Variants in SF3B6 observed in about 807,000 individuals in gnomAD.
SF3B6 encodes SF3b 14 kDa subunit.
In SF3B6, 3 loss-of-function variants were observed where a neutral mutation model predicts 15.9. The ratio of observed to expected loss-of-function variants is 0.19; its 90% CI spans 0.09 to 0.49. The LOEUF is 0.49. SF3B6 is among the 20% of genes least tolerant of loss of function. The pLI, the probability that SF3B6 is intolerant of heterozygous loss-of-function variation, is 0.97. For missense variants in SF3B6, 71 were observed against 154.3 expected, an observed-to-expected ratio of 0.46 and a Z score of 2.86; for synonymous variants, 49 against 51.1, an observed-to-expected ratio of 0.96 and a Z score of 0.18.
rs191162764 is a variant in SF3B6, at chr2:24,071,536, C to T, written c.149+2540G>A. Among the ~76,000 whole-genome samples the T allele has an allele frequency of 7.3e-3, 1,112 of 152,142 alleles. 9 individuals carry two copies. Among genetic ancestry groups the T allele is most frequent in the African/African-American group, 0.026 (1,069 of 41,500 alleles). On this transcript the variant is annotated intron_variant, in intron 2 of 3. Transcript: ENST00000233468. ...TGGAGAACCACTTGAACCTGGGAGG[C>T]GGAGTTTGCAGTGAGCCGAGATCGT...
chr2:24,068,023 C>T (rs961761936), intron 3 of SF3B6, among the ~76,000 whole-genome samples, 172 bp from the exon 4 acceptor site: 15 of 152,134 alleles, frequency 9.9e-5, no homozygotes, highest in South Asian at 2.1e-4. Flanking sequence ...AGTGCAGTGG[C>T]GTGATCTTGG....
At chr2:24,068,595 G>C in intron 2 of SF3B6, 136 bp from the exon 3 acceptor site, 1 of 773,680 alleles carries the variant, frequency 1.3e-6, no homozygotes. Flanking sequence ...TAAGTATTTT[G>C]AAATCAACCT....
At chr2:24,076,074 G>T in intron 1 of SF3B6, 126 bp downstream of exon 1, 1 of 1,238,620 alleles carries the variant, frequency 8.1e-7, no homozygotes, top group Non-Finnish European at 1.2e-6. Context: ...TGTCTTCGCT[G>T]ACAGGATAGG....
At chr2:24,074,863 T>G (rs1256320071) in intron 1 of SF3B6, among the ~76,000 whole-genome samples, 1 of 152,122 alleles carries the variant, frequency 6.6e-6, no homozygotes, top group Non-Finnish European at 1.5e-5. Flanking sequence ...GTGCGGTGGC[T>G]CATGCCTGTA....
Position 24,076,097 on chromosome 2 carries a change from C to T in SF3B6, c.30+103G>A, listed in dbSNP as rs1664741176. 4.1e-6 allele frequency: 6 copies of T among 1,451,220 alleles called. No homozygotes were observed. The East Asian group carries it at 1.4e-4, about 33-fold the overall frequency. The allele number at this position is 1,451,220 out of a possible 1,614,324, so 89.9% of individuals were successfully genotyped here. A position where few individuals can be genotyped will look rare whatever the true frequency, so the allele number is the denominator to read the frequency against. On this transcript the variant is annotated intron_variant, in intron 1 of 3. Transcript: ENST00000233468. ...CTGACAGGATAGGAATTCTGGAGTT[C>T]TCCGCTCTGGGGACGGAGGAGGAGC...
chr2:24,068,825 C>CTTTGT (rs1316555415), intron 2 of SF3B6, among the ~76,000 whole-genome samples: 10 of 152,134 alleles, frequency 6.6e-5, no homozygotes, highest in Middle Eastern at 3.4e-3. Context: ...TCTACGTTGT[C>CTTTGT]TTTGTTTTGT....
chr2:24,073,254 AT>A (rs1664684386), intron 2 of SF3B6, among the ~76,000 whole-genome samples: 1 of 152,232 alleles, frequency 6.6e-6, no homozygotes, highest in Admixed American at 6.5e-5. Context: ...TGGTAAAATA[AT>A]AATTTTTTTA....
At position 24,067,711 on chromosome 2, in the gene SF3B6, GTGGTAGT is replaced by G. The variant is rs1245981632; in HGVS notation, c.*44_*50del. 7.0e-7 allele frequency: 1 copy of G among 1,424,696 alleles called. No individual in the cohort carries two copies. The highest frequency in any genetic ancestry group is 1.2e-5 in the South Asian group (1 of 83,032). The allele number at this position is 1,424,696 out of a possible 1,614,324, so 88.3% of individuals were successfully genotyped here. ...AGTATTAATTAAAAAGGAAAAAAAG[GTGGTAGT>G]TGTCATTCGTGGGATTTAGTCCAAA... On this transcript the variant is annotated 3_prime_UTR_variant, in exon 4 of 4. Coordinates refer to ENST00000233468, the MANE Select transcript of SF3B6 (RefSeq NM_016047.4).
Position 24,076,195 on chromosome 2 carries a change from C to G in SF3B6, c.30+5G>C, listed in dbSNP as rs1408399821. Reference sequence around the variant, plus strand: ...CCCACCCTCCGCAGAACACCCGATACTCACGTTCGCCCTCTTGGCCGCTTG... The same window carrying G: ...CCCACCCTCCGCAGAACACCCGATAGTCACGTTCGCCCTCTTGGCCGCTTG... On this transcript the variant is annotated splice_donor_5th_base_variant and intron_variant, in intron 1 of 3. Coordinates refer to ENST00000233468, the MANE Select transcript of SF3B6 (RefSeq NM_016047.4). 6.2e-6 allele frequency: 10 copies of G among 1,614,108 alleles called. No homozygotes were observed. The highest frequency in any genetic ancestry group is 8.5e-6 in the Non-Finnish European group (10 of 1,180,044).
At chr2:24,073,497 TA>T (rs1361775149) in intron 2 of SF3B6, among the ~76,000 whole-genome samples, 1 of 152,228 alleles carries the variant, frequency 6.6e-6, no homozygotes, top group African/African-American at 2.4e-5. Context: ...AGATGTCCAG[TA>T]AATATCACTT....
rs563708382 is a variant in SF3B6 at position 24,073,974 on chromosome 2, G to A, written c.149+102C>T. On this transcript the variant is annotated intron_variant, in intron 2 of 3. Transcript: ENST00000233468. ...GCTAGTCTCAAGGCTCTTGGTAAGGGTTGTCGCACTGCACACAGCACAGGG... is the reference window on the plus strand; with the variant it reads ...GCTAGTCTCAAGGCTCTTGGTAAGGATTGTCGCACTGCACACAGCACAGGG... The A allele has an allele frequency of 1.9e-5, 14 of 751,320 alleles. No individual in the cohort carries two copies. The East Asian group carries it at 3.6e-4, about 19-fold the overall frequency. The allele number at this position is 751,320 out of a possible 1,614,324, so 46.5% of individuals were successfully genotyped here. A position where few individuals can be genotyped will look rare whatever the true frequency, so the allele number is the denominator to read the frequency against.
intron 1 of SF3B6, 94 bp downstream of exon 1, chr2:24,076,106 G>A: frequency 6.7e-7 from 1 of 1,489,038 alleles, no homozygotes; most frequent in South Asian, 1.1e-5. Flanking sequence ...TCTCCGCTCT[G>A]GGGACGGAGG....
At chr2:24,070,810 A>G (rs1216664974) in intron 2 of SF3B6, among the ~76,000 whole-genome samples, 1 of 152,178 alleles carries the variant, frequency 6.6e-6, no homozygotes, top group East Asian at 1.9e-4. Context: ...CTGTTTCTCA[A>G]TCTATAATTT....
At chr2:24,068,283 A>G (rs1664595632) in intron 3 of SF3B6, 38 bp downstream of exon 3, 1 of 1,583,880 alleles carries the variant, frequency 6.3e-7, no homozygotes, top group African/African-American at 1.3e-5. Flanking sequence ...TAATTCTCAA[A>G]TGAGATCACT....
chr2:24,075,122 C>T (rs1353147702), intron 1 of SF3B6, among the ~76,000 whole-genome samples: 3 of 151,762 alleles, frequency 2.0e-5, no homozygotes, highest in Non-Finnish European at 4.4e-5. Context: ...GAGTGAGAGT[C>T]CATCTCAAAA....
intron 2 of SF3B6, 41 bp from the exon 3 acceptor site, chr2:24,068,500 C>G (rs776713810): frequency 2.6e-6 from 4 of 1,546,916 alleles, no homozygotes; most frequent in Non-Finnish European, 3.5e-6. Context: ...ATACATTTAC[C>G]TGAGCATTGA....
rs1378128343 is a variant in SF3B6 at position 24,067,702 on chromosome 2, GA to G, written c.*59del. 29 of 1,381,404 alleles carry G rather than the reference GA, an allele frequency of 2.1e-5. No individual in the cohort carries two copies. Among genetic ancestry groups the G allele is most frequent in the Non-Finnish European group, 2.5e-5 (25 of 986,124 alleles). 85.6% of individuals were successfully genotyped at this position (1,381,404 alleles called of 1,614,324 possible). A position where few individuals can be genotyped will look rare whatever the true frequency, so the allele number is the denominator to read the frequency against. On this transcript the variant is annotated 3_prime_UTR_variant, in exon 4 of 4. Coordinates refer to ENST00000233468, the MANE Select transcript of SF3B6 (RefSeq NM_016047.4). ...ACAATATTTAGTATTAATTAAAAAG[GA>G]AAAAAAGGTGGTAGTTGTCATTCGT...
chr2:24,074,741 C>G (rs1182220235), intron 1 of SF3B6, among the ~76,000 whole-genome samples: 1 of 152,224 alleles, frequency 6.6e-6, no homozygotes, highest in Non-Finnish European at 1.5e-5. Flanking sequence ...CACTTCTAAA[C>G]TCAACCTATC....
chr2:24,072,486 G>A (rs1366078006), intron 2 of SF3B6, among the ~76,000 whole-genome samples: 1 of 152,182 alleles, frequency 6.6e-6, no homozygotes, highest in African/African-American at 2.4e-5. Context: ...GAAATGCTAT[G>A]GGAGCAGAAG....
Sources: gnomAD v4.1 joint callset for allele counts (sites outside exome capture counted in the v4.1 genomes callset) on GRCh38, gnomAD v4.1.1 for gene constraint, MANE v1.5 for transcripts, NCBI Gene and HGNC (gene_info 2026-07-23, HGNC 2026-07-21) for gene names.